Variants in GPS2 observed in about 807,000 individuals in gnomAD.
GPS2 encodes the protein GPS-2.
Under a neutral mutation model 48.1 loss-of-function variants are expected in GPS2, and 22 were observed. The ratio of observed to expected loss-of-function variants is 0.46; its 90% confidence interval spans 0.33 to 0.65. GPS2 has a LOEUF of 0.65. Among genes scored for constraint, GPS2 ranks in the 30% least tolerant of loss-of-function variants. The probability of loss-of-function intolerance (pLI) is 0.03; values close to 1 mark genes in which losing one functional copy is unlikely to be tolerated. For synonymous variants in GPS2, 202 were observed against 142.5 expected (o/e 1.42, Z -2.98); for missense variants, 366 against 406.8 (o/e 0.90, Z 0.86).
At chr17:7,314,823 C>A in intron 2 of GPS2, 136 bp downstream of exon 2, 1 of 1,290,838 alleles carries the variant, frequency 7.7e-7, no homozygotes, top group South Asian at 1.3e-5. Flanking sequence ...ACGCTTAAAT[C>A]CCACCACAAC....
At chr17:7,314,871 C>A in intron 2 of GPS2, 88 bp downstream of exon 2, 3 of 1,452,576 alleles carry the variant, frequency 2.1e-6, no homozygotes, top group Non-Finnish European at 2.8e-6. Context: ...CGGCAGCGGG[C>A]GCGCTGGTTG....
Position 7,315,347 on chromosome 17 carries a change from T to G in GPS2, c.-84A>C, listed in dbSNP as rs1023092493. 5.1e-6 allele frequency: 2 copies of G among 391,544 alleles called. No individual in the cohort carries two copies. Among genetic ancestry groups the G allele is most frequent in the Non-Finnish European group, 4.5e-6 (1 of 222,304 alleles). 24.3% of individuals were successfully genotyped at this position (391,544 alleles called of 1,614,324 possible). A position where few individuals can be genotyped will look rare whatever the true frequency, so the allele number is the denominator to read the frequency against. On this transcript the variant is annotated 5_prime_UTR_variant, in exon 1 of 11. Coordinates refer to ENST00000380728, the MANE Select transcript of GPS2 (RefSeq NM_004489.5). Reference sequence around the variant, plus strand: ...CCTTCCTACCCGCCTTCTCTGCGCTTTCTCAGCGGCTCCGACGCGCCCTGG... The same window carrying G: ...CCTTCCTACCCGCCTTCTCTGCGCTGTCTCAGCGGCTCCGACGCGCCCTGG...
intron 10 of GPS2, 30 bp downstream of exon 10, chr17:7,312,999 C>T (rs1022485889): frequency 6.6e-7 from 1 of 1,519,886 alleles, no homozygotes; most frequent in Middle Eastern, 1.8e-4. Context: ...TGTAGGGATT[C>T]TGACAGGTAA....
At chr17:7,314,625 G>A (rs62059197) in intron 2 of GPS2, 28 bp from the exon 3 acceptor site, 161,423 of 1,613,508 alleles carry the variant, frequency 0.1, 9,501 homozygotes, top group Middle Eastern at 0.13. Flanking sequence ...ATGAAGAAGA[G>A]GCAGGGTAGT....
At chr17:7,314,257 G>A (rs759579428) in intron 4 of GPS2, 34 bp downstream of exon 4, 1 of 1,598,176 alleles carries the variant, frequency 6.3e-7, no homozygotes, top group Non-Finnish European at 8.6e-7. Flanking sequence ...GTTCCACTTG[G>A]CCCCCATTTC....
rs1046971278 is a variant in GPS2 at position 7,315,355 on chromosome 17, G to T, written c.-92C>A. Reference sequence around the variant, plus strand: ...CCCGCCTTCTCTGCGCTTTCTCAGCGGCTCCGACGCGCCCTGGCCCCTGCG... The same window carrying T: ...CCCGCCTTCTCTGCGCTTTCTCAGCTGCTCCGACGCGCCCTGGCCCCTGCG... On this transcript the variant is annotated 5_prime_UTR_variant, in exon 1 of 11. Coordinates refer to ENST00000380728, the MANE Select transcript of GPS2 (RefSeq NM_004489.5). The T allele has an allele frequency of 7.6e-6, 3 of 395,226 alleles. No homozygotes were observed. The highest frequency in any genetic ancestry group is 4.1e-5 in the African/African-American group (2 of 48,538). The allele number at this position is 395,226 out of a possible 1,614,324, so 24.5% of individuals were successfully genotyped here.
rs970181665 is a variant in GPS2, at chr17:7,315,356, G to A, written c.-93C>T. 3.3e-5 allele frequency: 13 copies of A among 394,074 alleles called. No homozygotes were observed. The highest frequency in any genetic ancestry group is 5.4e-5 in the Non-Finnish European group (12 of 223,934). The allele number at this position is 394,074 out of a possible 1,614,324, so 24.4% of individuals were successfully genotyped here. A position where few individuals can be genotyped will look rare whatever the true frequency, so the allele number is the denominator to read the frequency against. On this transcript the variant is annotated 5_prime_UTR_variant, in exon 1 of 11. Transcript: ENST00000380728. Reference sequence around the variant, plus strand: ...CCGCCTTCTCTGCGCTTTCTCAGCGGCTCCGACGCGCCCTGGCCCCTGCGT... The same window carrying A: ...CCGCCTTCTCTGCGCTTTCTCAGCGACTCCGACGCGCCCTGGCCCCTGCGT...
Position 7,312,798 on chromosome 17 carries a change from G to C in GPS2, c.942C>G (p.Pro314=), listed in dbSNP as rs775542447. The change falls in exon 11 of 11, where the codon CCC becomes CCG. Residue 314 remains proline, a synonymous_variant. Transcript: ENST00000380728. ...GCGGGTTCTGGCTGTGTTGGATGAA[G>C]GGGAGCCGAGGGCCAGGTTGGCTGG... ...AATSQPGPRL[P]FIQHSQNPRF... 6.2e-7 allele frequency: 1 copy of C among 1,614,124 alleles called. No individual in the cohort carries two copies. Among genetic ancestry groups the C allele is most frequent in the South Asian group, 1.1e-5 (1 of 91,084 alleles).
Position 7,313,402 on chromosome 17 carries a change from G to A in GPS2, c.702C>T (p.Gly234=), listed in dbSNP as rs777479936. Residue 234 remains glycine (G), a synonymous_variant, in exon 8 of 11, where the codon GGC becomes GGT. Coordinates refer to ENST00000380728, the MANE Select transcript of GPS2 (RefSeq NM_004489.5). ...QPQPQPYAVH[G]HFQPTQTGFL... ...CACCTGTCTGAGTGGGCTGAAAGTGGCCATGCACAGCATAGGGCTGTGGCT... is the reference window on the plus strand; with the variant it reads ...CACCTGTCTGAGTGGGCTGAAAGTGACCATGCACAGCATAGGGCTGTGGCT... 2 of 1,613,924 alleles carry A rather than the reference G, an allele frequency of 1.2e-6. No individual in the cohort carries two copies. The highest frequency in any genetic ancestry group is 2.2e-5 in the South Asian group (2 of 91,080).
In GPS2 at chr17:7,314,179, G is replaced by A. The variant is rs780859859; in HGVS notation, c.318-20C>T. The A allele has an allele frequency of 4.2e-6, 6 of 1,423,756 alleles. No homozygotes were observed. Among genetic ancestry groups the A allele is most frequent in the East Asian group, 3.3e-5 (1 of 30,756 alleles). 88.2% of individuals were successfully genotyped at this position (1,423,756 alleles called of 1,614,324 possible). A position where few individuals can be genotyped will look rare whatever the true frequency, so the allele number is the denominator to read the frequency against. ...AGGTCACTGGAGTGAAAGGAAGACA[G>A]GTCAAAGTCAAGGACAGATGCCTTC... On this transcript the variant is annotated intron_variant, in intron 4 of 10. Transcript: ENST00000380728.
Position 7,313,552 on chromosome 17 carries a change from CCCT to C in GPS2, c.634+13_634+15del, listed in dbSNP as rs1348145297. The stretch of plus-strand genomic sequence containing the variant: ...GACCTTGAGGAAGGCCAAGCCCCAT[CCCT>C]CCTATTACTCACCTCTGAGCTGCTG... On this transcript the variant is annotated intron_variant, in intron 7 of 10. Transcript: ENST00000380728. 5 of 1,613,248 alleles carry C rather than the reference CCCT, an allele frequency of 3.1e-6. No homozygotes were observed. Among genetic ancestry groups the C allele is most frequent in the Non-Finnish European group, 4.2e-6 (5 of 1,179,474 alleles).
intron 6 of GPS2, 27 bp downstream of exon 6, chr17:7,313,879 G>C (rs755157162): frequency 6.3e-7 from 1 of 1,597,464 alleles, no homozygotes; most frequent in African/African-American, 1.3e-5. Flanking sequence ...GAAGTACTAG[G>C]GGCTAGGCAT....
chr17:7,313,730 G>T lies in GPS2; in HGVS notation c.481-9C>A. ...CCCACGTAGTGCCGGGTCTAAGGAA[G>T]GAGAATGAGAACTCGCCTACAAACT... is the stretch of plus-strand genomic sequence containing the variant. On this transcript the variant is annotated splice_polypyrimidine_tract_variant and intron_variant, in intron 6 of 10. Transcript: ENST00000380728. 6.2e-7 allele frequency: 1 copy of T among 1,613,332 alleles called. No individual in the cohort carries two copies. Among genetic ancestry groups the T allele is most frequent in the East Asian group, 2.2e-5 (1 of 44,870 alleles).
Position 7,312,688 on chromosome 17 carries a change from G to T in GPS2, c.*68C>A. ...GTGGCAGGTAGATTTTATTGGCCTG[G>T]GACACACAGGGGATACCCTCACCCA... On this transcript the variant is annotated 3_prime_UTR_variant, in exon 11 of 11. Transcript: ENST00000380728. 8.1e-7 allele frequency: 1 copy of T among 1,238,338 alleles called. No individual in the cohort carries two copies. Among genetic ancestry groups the T allele is most frequent in the Non-Finnish European group, 1.2e-6 (1 of 838,376 alleles). 76.7% of individuals were successfully genotyped at this position (1,238,338 alleles called of 1,614,324 possible).
rs1433418268 is a variant in GPS2 at position 7,314,375 on chromosome 17, G to A, written c.233C>T (p.Ala78Val). ...QILKLEEKLL[A>V]LQEEKHQLFL... ...AAGCTGGTGCTTCTCTTCCTGTAGA[G>A]CCAAAAGCTTCTCCTCCAACTTCAG... The change falls in exon 4 of 11, where the codon GCT becomes GTT. Residue 78 changes from alanine to valine, a missense_variant. Ala to Val is a moderately conservative substitution (Grantham distance 64, BLOSUM62 0). This residue lies in a region of GPS2 where 88 missense variants were observed against 107.4 expected (regional missense o/e 0.82). Coordinates refer to ENST00000380728, the MANE Select transcript of GPS2 (RefSeq NM_004489.5). 2 of 1,614,106 alleles carry A rather than the reference G, an allele frequency of 1.2e-6. No homozygotes were observed. Among genetic ancestry groups the A allele is most frequent in the Non-Finnish European group, 1.7e-6 (2 of 1,180,012 alleles).
At position 7,313,992 on chromosome 17, in the gene GPS2, G is replaced by C. The variant is rs181425435; in HGVS notation, c.398-4C>G. 51 of 1,613,216 alleles carry C rather than the reference G, an allele frequency of 3.2e-5. No homozygotes were observed. The Admixed American group carries it at 5.7e-4, about 18-fold the overall frequency. On this transcript the variant is annotated splice_polypyrimidine_tract_variant and splice_region_variant and intron_variant, in intron 5 of 10. Coordinates refer to ENST00000380728, the MANE Select transcript of GPS2 (RefSeq NM_004489.5). ...CGATTGTGTCCTCCAGGGCTCCCTA[G>C]AAAGGGAGAAGGGCTTCATGATGCT...
chr17:7,313,764 G>A, intron 6 of GPS2, 43 bp from the exon 7 acceptor site: 5 of 1,606,568 alleles, frequency 3.1e-6, no homozygotes, highest in Non-Finnish European at 4.3e-6. Flanking sequence ...CTCCTTGAAA[G>A]CTGAAACCCA....
At chr17:7,314,847 CCCT>C (rs1351605325) in intron 2 of GPS2, 109 bp downstream of exon 2, 8 of 1,355,776 alleles carry the variant, frequency 5.9e-6, no homozygotes, top group South Asian at 1.2e-5. Context: ...GCTATTCCTT[CCCT>C]CCTCTGCGCT....
rs542088936 is a variant in GPS2 at position 7,314,817 on chromosome 17, T to C, written c.94+142A>G. 3 of 1,295,930 alleles carry C rather than the reference T, an allele frequency of 2.3e-6. No individual in the cohort carries two copies. In the African/African-American group the frequency reaches 4.4e-5, roughly 19 times the overall value. 80.3% of individuals were successfully genotyped at this position (1,295,930 alleles called of 1,614,324 possible). Reference sequence around the variant, plus strand: ...GGTTCTGGAGCGTGGAACAGGACGCTTAAATCCCACCACAACGGGGCTATT... The same window carrying C: ...GGTTCTGGAGCGTGGAACAGGACGCCTAAATCCCACCACAACGGGGCTATT... On this transcript the variant is annotated intron_variant, in intron 2 of 10. Transcript: ENST00000380728.
Sources: allele counts gnomAD v4.1 joint callset, GRCh38; gene constraint gnomAD v4.1.1; regional missense constraint gnomAD v4.1.1; transcripts MANE v1.5; gene names NCBI Gene and HGNC (gene_info 2026-07-23, HGNC 2026-07-21).